The following FAM168A variants were observed in gnomAD, a reference collection of about 807,000 sequenced individuals.
FAM168A encodes the protein family with sequence similarity 168 member A, also known as protein FAM168A.
Under a neutral mutation model 28.5 loss-of-function variants are expected in FAM168A, and 3 were observed. The observed-to-expected ratio is 0.11, with a 90% CI of 0.05 to 0.27. FAM168A has a LOEUF of 0.27. FAM168A is among the 10% of genes least tolerant of loss of function. The pLI is 1.00. For missense variants in FAM168A, 222 were observed against 311.5 expected (o/e 0.71, Z 2.16); for synonymous variants, 122 against 124.2 (o/e 0.98, Z 0.12).
intron 1 of FAM168A, among the ~76,000 whole-genome samples, chr11:73,551,833 G>A (rs1222699075): frequency 6.6e-6 from 1 of 152,220 alleles, no homozygotes; most frequent in African/African-American, 2.4e-5. Flanking sequence ...TGCCCTGAAT[G>A]AATTTCCAGT....
intron 1 of FAM168A, among the ~76,000 whole-genome samples, chr11:73,536,691 A>T (rs186711593): frequency 4.6e-5 from 7 of 152,176 alleles, no homozygotes; most frequent in Middle Eastern, 3.4e-3. Context: ...CCGTCTCAAA[A>T]AATAATAATA....
intron 1 of FAM168A, among the ~76,000 whole-genome samples, chr11:73,560,594 T>A (rs952918360): frequency 6.6e-6 from 1 of 152,194 alleles, no homozygotes; most frequent in East Asian, 1.9e-4. Flanking sequence ...AAAACAAATG[T>A]ACTCACTCAG....
chr11:73,464,355 A>ATT, intron 2 of FAM168A, among the ~76,000 whole-genome samples: 1 of 149,828 alleles, frequency 6.7e-6, no homozygotes, highest in African/African-American at 2.5e-5. Flanking sequence ...ACTGGTTTAA[A>ATT]AAAAAAAAAA....
intron 1 of FAM168A, among the ~76,000 whole-genome samples, chr11:73,542,884 G>A (rs1943674767): frequency 1.3e-5 from 2 of 152,160 alleles, no homozygotes; most frequent in Admixed American, 6.5e-5. Flanking sequence ...GATCGCTTAA[G>A]CTGAACAACG....
chr11:73,507,649 A>C (rs12274589), intron 1 of FAM168A, among the ~76,000 whole-genome samples: 7,318 of 152,254 alleles, frequency 0.048, 557 homozygotes, highest in African/African-American at 0.16. Context: ...AAGTCCTGAT[A>C]ATATCTACCA....
chr11:73,507,731 G>A (rs925667875), intron 1 of FAM168A, among the ~76,000 whole-genome samples: 1 of 152,144 alleles, frequency 6.6e-6, no homozygotes, highest in African/African-American at 2.4e-5. Flanking sequence ...ACTGACCTCT[G>A]AATAATATTA....
At chr11:73,430,842 AC>A in intron 2 of FAM168A, 72 bp from the exon 3 acceptor site, 2 of 1,269,530 alleles carry the variant, frequency 1.6e-6, no homozygotes, top group Non-Finnish European at 2.2e-6. Flanking sequence ...AAACAAAAAA[AC>A]ACCCAGATTT....
At chr11:73,589,647 G>A (rs1023297815) in intron 1 of FAM168A, among the ~76,000 whole-genome samples, 10 of 152,168 alleles carry the variant, frequency 6.6e-5, no homozygotes, top group Admixed American at 2.0e-4. Context: ...TCCTCCTTTC[G>A]GCTGGGCACG....
chr11:73,507,100 A>G (rs1472422362), intron 1 of FAM168A, among the ~76,000 whole-genome samples: 1 of 152,174 alleles, frequency 6.6e-6, no homozygotes, highest in African/African-American at 2.4e-5. Flanking sequence ...GCTCACACTG[A>G]TATTTCCTGG....
At chr11:73,531,260 G>C (rs1943510645) in intron 1 of FAM168A, among the ~76,000 whole-genome samples, 1 of 152,176 alleles carries the variant, frequency 6.6e-6, no homozygotes, top group African/African-American at 2.4e-5. Context: ...AGAAATGCAA[G>C]TAACCAAACA....
chr11:73,547,024 C>A (rs1327553856), intron 1 of FAM168A, among the ~76,000 whole-genome samples: 2 of 149,732 alleles, frequency 1.3e-5, no homozygotes, highest in Non-Finnish European at 3.0e-5. Context: ...CAGTGACTCA[C>A]ACCTGTAATC....
chr11:73,480,949 C>T (rs188256126), intron 1 of FAM168A, among the ~76,000 whole-genome samples: 10 of 152,298 alleles, frequency 6.6e-5, no homozygotes, highest in Admixed American at 2.6e-4. Context: ...TTTGAGTTCC[C>T]TTGAACATGC....
At chr11:73,513,092 C>A (rs1329271554) in intron 1 of FAM168A, among the ~76,000 whole-genome samples, 3 of 152,040 alleles carry the variant, frequency 2.0e-5, no homozygotes, top group African/African-American at 7.2e-5. Flanking sequence ...CAACAGTTTC[C>A]AGTTCCATGT....
intron 1 of FAM168A, among the ~76,000 whole-genome samples, chr11:73,551,691 T>C (rs1055127215): frequency 6.6e-6 from 1 of 152,268 alleles, no homozygotes; most frequent in Non-Finnish European, 1.5e-5. Context: ...AAACATTTCC[T>C]ATTCAATTGG....
At chr11:73,569,034 G>A (rs941761788) in intron 1 of FAM168A, among the ~76,000 whole-genome samples, 3 of 151,884 alleles carry the variant, frequency 2.0e-5, no homozygotes, top group Admixed American at 1.3e-4. Context: ...TTGTTTCTTC[G>A]GTGTTACAAA....
intron 2 of FAM168A, among the ~76,000 whole-genome samples, chr11:73,439,361 G>A (rs1464349875): frequency 6.6e-6 from 1 of 152,198 alleles, no homozygotes; most frequent in African/African-American, 2.4e-5. Flanking sequence ...CATCTTCAGA[G>A]AAAGCATACC....
At chr11:73,426,455 T>A (rs748911615) in intron 3 of FAM168A, among the ~76,000 whole-genome samples, 1 of 152,226 alleles carries the variant, frequency 6.6e-6, no homozygotes, top group African/African-American at 2.4e-5. Context: ...TGGGTCTCCT[T>A]AAAGCAGCTG....
rs528263645 is a variant in FAM168A, at chr11:73,472,360, G to C, written c.-18-3868C>G. 2.6e-5 allele frequency among the ~76,000 whole-genome samples: 4 copies of C among 152,338 alleles called. No homozygotes were observed. The South Asian group carries it at 8.3e-4, about 32-fold the overall frequency. Reference sequence around the variant, plus strand: ...AGCAAATACAAATGCCCCCAAAGTAGAAGCATTTTTGAGAAAGAGCTTAGA... The same window carrying C: ...AGCAAATACAAATGCCCCCAAAGTACAAGCATTTTTGAGAAAGAGCTTAGA... On this transcript the variant is annotated intron_variant, in intron 1 of 7. Transcript: ENST00000356467.
chr11:73,489,042 G>T (rs192336194), intron 1 of FAM168A, among the ~76,000 whole-genome samples: 3 of 151,734 alleles, frequency 2.0e-5, no homozygotes, highest in African/African-American at 7.3e-5. Flanking sequence ...GTGTATGCCC[G>T]TCTAATTTTT....
Sources: allele counts gnomAD v4.1 joint callset (sites outside exome capture counted in the v4.1 genomes callset), GRCh38; gene constraint gnomAD v4.1.1; transcripts MANE v1.5; gene names NCBI Gene and HGNC (gene_info 2026-07-23, HGNC 2026-07-21).